The following TTC6 variants were observed in gnomAD, a reference collection of about 807,000 sequenced individuals.
TTC6 encodes the protein tetratricopeptide repeat domain 6, also known as tetratricopeptide repeat protein 6.
A neutral mutation model predicts 210.4 loss-of-function variants in TTC6; 172 were observed. The ratio of observed to expected loss-of-function variants is 0.82; its 90% confidence interval spans 0.72 to 0.93. The LOEUF is 0.93. TTC6 is among the 40% of genes least tolerant of loss of function. TTC6 has a pLI of 0.00. For synonymous variants in TTC6, 804 were observed against 819.6 expected (o/e 0.98, Z 0.32); for missense variants, 2,414 against 2,318.1 (o/e 1.04, Z -0.85).
intron 2 of TTC6, among the ~76,000 whole-genome samples, chr14:37,614,036 A>C (rs1313942187): frequency 6.6e-6 from 1 of 151,926 alleles, no homozygotes; most frequent in Non-Finnish European, 1.5e-5. Context: ...TTAATATGGA[A>C]CTTTAGGTTA....
chr14:37,641,928 A>G (rs932667263), intron 1 of TTC6, among the ~76,000 whole-genome samples: 3 of 152,316 alleles, frequency 2.0e-5, no homozygotes, highest in African/African-American at 7.2e-5. Context: ...CATAGTTGAG[A>G]CTGGAACTAT....
At chr14:37,720,560 T>TG (rs1566908915) in intron 6 of TTC6, 2 of 115,952 alleles carry the variant, frequency 1.7e-5, no homozygotes, top group African/African-American at 3.3e-5. Context: ...GGTTGCACAG[T>TG]GAAAAAAAAA....
intron 7 of TTC6, among the ~76,000 whole-genome samples, chr14:37,735,145 G>A (rs558032064): frequency 4.2e-4 from 64 of 152,214 alleles, no homozygotes; most frequent in African/African-American, 1.5e-3. Flanking sequence ...AAAACTCAAT[G>A]CTTGGTGATT....
At chr14:37,739,102 A>G (rs1048636710) in exon 10 of TTC6, 18 of 1,528,788 alleles carry the variant, frequency 1.2e-5, no homozygotes, top group Admixed American at 2.0e-5. Context: ...TGAAACAACA[A>G]AAACTTATAT....
chr14:37,636,507 C>A (rs563862489), intron 1 of TTC6, among the ~76,000 whole-genome samples: 1 of 151,904 alleles, frequency 6.6e-6, no homozygotes, highest in Admixed American at 6.6e-5. Flanking sequence ...CTAAACAATA[C>A]AATTCTGAAT....
chr14:37,787,726 C>G (rs1189301406), intron 15 of TTC6, 89 bp downstream of exon 17: 1 of 1,077,270 alleles, frequency 9.3e-7, no homozygotes, highest in Non-Finnish European at 1.2e-6. Flanking sequence ...TGTGGGTTCA[C>G]TAATGTAATA....
chr14:37,768,528 G>A (rs2096006762), intron 14 of TTC6, among the ~76,000 whole-genome samples: 1 of 152,172 alleles, frequency 6.6e-6, no homozygotes, highest in African/African-American at 2.4e-5. Flanking sequence ...TCCCTTGTAA[G>A]TTGGATTCCT....
At chr14:37,721,267 C>T (rs544960160) in intron 6 of TTC6, among the ~76,000 whole-genome samples, 2 of 152,114 alleles carry the variant, frequency 1.3e-5, no homozygotes, top group Admixed American at 6.5e-5. Context: ...CTCTTTTACT[C>T]ATGGATTATT....
intron 14 of TTC6, among the ~76,000 whole-genome samples, chr14:37,774,080 G>A (rs1053794916): frequency 1.3e-5 from 2 of 152,068 alleles, no homozygotes; most frequent in Non-Finnish European, 2.9e-5. Flanking sequence ...TGGTATGGAG[G>A]AATGATACTT....
At chr14:37,627,747 A>G (rs1449912385) in intron 1 of TTC6, among the ~76,000 whole-genome samples, 1 of 152,164 alleles carries the variant, frequency 6.6e-6, no homozygotes, top group Non-Finnish European at 1.5e-5. Context: ...TATTGTGAAT[A>G]GTGCTGCAAT....
At chr14:37,769,961 C>T (rs1392840085) in intron 14 of TTC6, among the ~76,000 whole-genome samples, 3 of 152,002 alleles carry the variant, frequency 2.0e-5, no homozygotes, top group African/African-American at 7.2e-5. Context: ...TTTCCCTCTA[C>T]ACACTGCTTT....
intron 2 of TTC6, among the ~76,000 whole-genome samples, chr14:37,608,661 G>T (rs910103624): frequency 6.6e-6 from 1 of 152,122 alleles, no homozygotes; most frequent in Non-Finnish European, 1.5e-5. Context: ...TATTTTGTGC[G>T]CAATATGAAG....
intron 24 of TTC6, among the ~76,000 whole-genome samples, chr14:37,811,527 A>G (rs1315522744): frequency 6.6e-6 from 1 of 152,132 alleles, no homozygotes; most frequent in Non-Finnish European, 1.5e-5. Context: ...ATCAGACCAT[A>G]TGGCTCTTTT....
intron 1 of TTC6, among the ~76,000 whole-genome samples, chr14:37,604,270 C>A (rs2095621115): frequency 6.6e-6 from 1 of 152,060 alleles, no homozygotes; most frequent in Non-Finnish European, 1.5e-5. Flanking sequence ...TACTCTCCAC[C>A]CAGTCAGTGA....
chr14:37,760,140 C>G (rs570087868), intron 14 of TTC6, among the ~76,000 whole-genome samples: 2 of 152,296 alleles, frequency 1.3e-5, no homozygotes, highest in Admixed American at 1.3e-4. Context: ...GTGGATTTAT[C>G]TATCTTTGAT....
At chr14:37,787,562 T>C in exon 15 of TTC6, 2 of 1,531,468 alleles carry the variant, frequency 1.3e-6, no homozygotes, top group African/African-American at 2.7e-5. Context: ...TAATAACTGG[T>C]TAGCGTTGTA....
chr14:37,810,014 G>C (rs1337116267), intron 24 of TTC6, among the ~76,000 whole-genome samples: 1 of 152,180 alleles, frequency 6.6e-6, no homozygotes, highest in Non-Finnish European at 1.5e-5. Context: ...GTGAAACGTG[G>C]ACAGTGAAAT....
chr14:37,812,256 T>C, intron 24 of TTC6, 58 bp from the exon 27 acceptor site: 1 of 1,567,750 alleles, frequency 6.4e-7, no homozygotes, highest in Non-Finnish European at 8.7e-7. Context: ...CGTTTGTCCA[T>C]AGCCAATGAA....
chr14:37,657,580 G>C (rs2095727173), intron 1 of TTC6, among the ~76,000 whole-genome samples: 1 of 152,068 alleles, frequency 6.6e-6, no homozygotes, highest in Non-Finnish European at 1.5e-5. Flanking sequence ...AAGCTTATTT[G>C]TTGGCTTTAT....
Sources: gnomAD v4.1 joint callset for allele counts (sites outside exome capture counted in the v4.1 genomes callset) on GRCh38, gnomAD v4.1.1 for gene constraint, MANE v1.5 for transcripts, NCBI Gene and HGNC (gene_info 2026-07-23, HGNC 2026-07-21) for gene names.